Variants in SPECC1L observed in about 807,000 individuals in gnomAD.
SPECC1L encodes cytospin-A.
In SPECC1L, 40 loss-of-function variants were observed where a neutral mutation model predicts 116.8. That is an observed-to-expected ratio of 0.34 (90% confidence interval 0.27 to 0.45). The LOEUF is 0.45. Ranked by LOEUF, SPECC1L falls within the 20% of genes least tolerant of loss-of-function variation. The pLI is 1.00. For synonymous variants in SPECC1L, 504 were observed against 500.6 expected, an observed-to-expected ratio of 1.01 and a Z score of -0.09; for missense variants, 1,110 against 1,373.6, an observed-to-expected ratio of 0.81 and a Z score of 3.03.
At chr22:24,363,947 G>A (rs531247386) in intron 12 of SPECC1L, among the ~76,000 whole-genome samples, 3 of 149,908 alleles carry the variant, frequency 2.0e-5, no homozygotes, top group Non-Finnish European at 3.0e-5. Flanking sequence ...GGGAGTGGGG[G>A]CAGCAGTTTT....
intron 10 of SPECC1L, among the ~76,000 whole-genome samples, chr22:24,340,129 A>T (rs1248007173): frequency 6.7e-6 from 1 of 148,248 alleles, no homozygotes. Context: ...CTGTTCCACC[A>T]ATTTAATGAC....
intron 2 of SPECC1L, among the ~76,000 whole-genome samples, chr22:24,284,504 G>A (rs913453045): frequency 6.6e-6 from 1 of 151,758 alleles, no homozygotes; most frequent in African/African-American, 2.4e-5. Flanking sequence ...GCGTGATCTC[G>A]GCTCACTGCA....
At chr22:24,319,938 A>G (rs887070175) in intron 4 of SPECC1L, among the ~76,000 whole-genome samples, 1 of 152,192 alleles carries the variant, frequency 6.6e-6, no homozygotes, top group Non-Finnish European at 1.5e-5. Context: ...AGGTATTTAA[A>G]CATATTCCTG....
chr22:24,316,031 T>C (rs1454423658), intron 4 of SPECC1L, among the ~76,000 whole-genome samples: 1 of 152,216 alleles, frequency 6.6e-6, no homozygotes, highest in African/African-American at 2.4e-5. Flanking sequence ...TTTGAGGTTT[T>C]GGGGTTAGGG....
At chr22:24,292,960 C>T (rs1457782046) in intron 2 of SPECC1L, among the ~76,000 whole-genome samples, 7 of 152,106 alleles carry the variant, frequency 4.6e-5, no homozygotes, top group South Asian at 2.1e-4. Context: ...TTTTAGAATA[C>T]AGATTACACA....
At chr22:24,283,480 T>C (rs1435471542) in intron 2 of SPECC1L, among the ~76,000 whole-genome samples, 2 of 152,254 alleles carry the variant, frequency 1.3e-5, no homozygotes, top group East Asian at 3.8e-4. Flanking sequence ...TAGACTCAAT[T>C]TGCTAAAATT....
intron 4 of SPECC1L, among the ~76,000 whole-genome samples, chr22:24,318,140 A>T: frequency 6.6e-6 from 1 of 152,104 alleles, no homozygotes; most frequent in East Asian, 1.9e-4. Context: ...AGAGGCTGCA[A>T]TCTCGGCACT....
chr22:24,319,381 A>C (rs2040672582), intron 4 of SPECC1L, among the ~76,000 whole-genome samples: 1 of 152,180 alleles, frequency 6.6e-6, no homozygotes, highest in African/African-American at 2.4e-5. Context: ...ACTCACTATC[A>C]CGAGAACAGC....
At chr22:24,277,188 C>T (rs2048853523) in intron 2 of SPECC1L, among the ~76,000 whole-genome samples, 1 of 152,184 alleles carries the variant, frequency 6.6e-6, no homozygotes, top group Admixed American at 6.5e-5. Flanking sequence ...TCTCCCAACT[C>T]ATGGCCCCTG....
At chr22:24,367,084 C>T (rs2041783855) in intron 13 of SPECC1L, among the ~76,000 whole-genome samples, 1 of 152,262 alleles carries the variant, frequency 6.6e-6, no homozygotes, top group African/African-American at 2.4e-5. Flanking sequence ...GTCCCAGCTA[C>T]GTGGGAGGCT....
chr22:24,342,269 G>C (rs1418255001), intron 10 of SPECC1L, among the ~76,000 whole-genome samples: 2 of 152,214 alleles, frequency 1.3e-5, no homozygotes, highest in Non-Finnish European at 2.9e-5. Flanking sequence ...TGCAGACCTA[G>C]AACGGATAGA....
In SPECC1L at chr22:24,324,269, A is replaced by G; in HGVS notation, c.1988A>G (p.Glu663Gly). Residue 663 changes from glutamate to glycine, a missense_variant, in exon 6 of 17, where the codon GAA (glutamate) becomes GGA (glycine). By Grantham distance (98) the Glu-to-Gly change is moderately conservative. Transcript: ENST00000314328. ...CAAGAAGAAGCTAAGAAACAAATTG[A>G]AGATTTGAATATGACGTTAGAAAAA... ...AFQEEAKKQIEDLNMTLEKLR... is the reference protein window; with the variant it reads ...AFQEEAKKQIGDLNMTLEKLR... The G allele has an allele frequency of 6.2e-7, 1 of 1,614,094 alleles. No homozygotes were observed. The highest frequency in any genetic ancestry group is 8.5e-7 in the Non-Finnish European group (1 of 1,179,986).
At chr22:24,360,619 C>G (rs1210191653) in intron 11 of SPECC1L, among the ~76,000 whole-genome samples, 1 of 152,036 alleles carries the variant, frequency 6.6e-6, no homozygotes, top group East Asian at 1.9e-4. Context: ...ATAACTTAGA[C>G]AGTTTTCATG....
At chr22:24,369,438 A>T in intron 14 of SPECC1L, 118 bp downstream of exon 14, 1 of 779,926 alleles carries the variant, frequency 1.3e-6, no homozygotes. Context: ...ATGGTGGATC[A>T]CACCTATAAT....
intron 11 of SPECC1L, among the ~76,000 whole-genome samples, chr22:24,360,733 T>A (rs2041627461): frequency 6.6e-6 from 1 of 152,224 alleles, no homozygotes; most frequent in African/African-American, 2.4e-5. Flanking sequence ...GCTGTGTTCT[T>A]CTTTGGGAGA....
rs778019038 is a variant in SPECC1L at position 24,322,234 on chromosome 22, G to C, written c.1254G>C (p.Leu418=). Residue 418 remains leucine, a synonymous_variant, in exon 5 of 17, where the codon CTG becomes CTC. Coordinates refer to ENST00000314328, the MANE Select transcript of SPECC1L (RefSeq NM_015330.6). Reference sequence around the variant, plus strand: ...CAAGTGAGGAACTCCAGGCAACCCTGCAAGAGCTAGCTGATTTACAGCAGA... The same window carrying C: ...CAAGTGAGGAACTCCAGGCAACCCTCCAAGAGCTAGCTGATTTACAGCAGA... ...HSTSEELQAT[L]QELADLQQIT... 6.2e-7 allele frequency: 1 copy of C among 1,614,192 alleles called. No individual in the cohort carries two copies.
At chr22:24,395,343 G>C (rs766633292) in intron 14 of SPECC1L, among the ~76,000 whole-genome samples, 1 of 152,168 alleles carries the variant, frequency 6.6e-6, no homozygotes, top group Non-Finnish European at 1.5e-5. Context: ...TTTTTGGCCT[G>C]TGGACTTAAG....
At position 24,414,595 on chromosome 22, in the gene SPECC1L, C is replaced by T. The variant is rs1247798129; in HGVS notation, c.3326C>T (p.Thr1109Met). The T allele has an allele frequency of 6.2e-7, 1 of 1,613,992 alleles. No individual in the cohort carries two copies. Among genetic ancestry groups the T allele is most frequent in the Non-Finnish European group, 8.5e-7 (1 of 1,179,984 alleles). Residue 1109 changes from threonine to methionine, a missense_variant, in exon 17 of 17, where the codon ACG becomes ATG. By Grantham distance (81) the Thr-to-Met change is moderately conservative (BLOSUM62 -1). Around this residue, in one of 4 missense-constraint regions of SPECC1L, gnomAD observed 76 missense variants for 148.5 expected, o/e 0.51. Coordinates refer to ENST00000314328, the MANE Select transcript of SPECC1L (RefSeq NM_015330.6). ...PDWQNVMLYV[T>M]AIYKYFET ...TGGCAGAACGTGATGCTGTATGTGA[C>T]GGCGATCTACAAGTACTTTGAGACC...
intron 2 of SPECC1L, among the ~76,000 whole-genome samples, chr22:24,289,434 A>G (rs1361364265): frequency 6.6e-6 from 1 of 152,178 alleles, no homozygotes; most frequent in African/African-American, 2.4e-5. Flanking sequence ...CCAGAAATGG[A>G]TCTGAAGAGG....
Sources: allele counts gnomAD v4.1 joint callset (sites outside exome capture counted in the v4.1 genomes callset), GRCh38; gene constraint gnomAD v4.1.1; regional missense constraint gnomAD v4.1.1; transcripts MANE v1.5; gene names NCBI Gene and HGNC (gene_info 2026-07-23, HGNC 2026-07-21).